UBE2E2: variants seen among roughly 807,000 people sequenced by gnomAD.
UBE2E2 encodes the protein ubiquitin-conjugating enzyme E2 E2.
In UBE2E2, 6 loss-of-function variants were observed where a neutral mutation model predicts 24.7. The observed-to-expected ratio is 0.24, with a 90% CI of 0.13 to 0.48. The LOEUF (loss-of-function observed/expected upper bound fraction) is 0.48, where lower values mean the gene tolerates loss of function less well. Among genes scored for constraint, UBE2E2 ranks in the 20% least tolerant of loss-of-function variants. The pLI is 0.99. For synonymous variants in UBE2E2, 104 were observed against 83.6 expected, an observed-to-expected ratio of 1.24 and a Z score of -1.33; for missense variants, 169 against 245.0, an observed-to-expected ratio of 0.69 and a Z score of 2.07.
intron 3 of UBE2E2, among the ~76,000 whole-genome samples, chr3:23,440,054 G>A (rs912806483): frequency 4.0e-5 from 6 of 151,402 alleles, no homozygotes; most frequent in African/African-American, 1.5e-4. Flanking sequence ...GGTGGATCAC[G>A]AACGAGGTCA....
At chr3:23,585,195 G>A in intron 5 of UBE2E2, among the ~76,000 whole-genome samples, 1 of 151,478 alleles carries the variant, frequency 6.6e-6, no homozygotes, top group South Asian at 2.1e-4. Context: ...GGCAACATCT[G>A]CCGTCTCTAC....
At chr3:23,334,765 T>C (rs1405238070) in intron 3 of UBE2E2, among the ~76,000 whole-genome samples, 1 of 152,208 alleles carries the variant, frequency 6.6e-6, no homozygotes, top group Non-Finnish European at 1.5e-5. Context: ...GACCTTCTAA[T>C]GTATTTTTCT....
In UBE2E2 at chr3:23,331,009, A is replaced by G. The variant is rs138252562; in HGVS notation, c.227+113697A>G. 5.7e-4 allele frequency among the ~76,000 whole-genome samples: 87 copies of G among 152,314 alleles called. 3 individuals carry two copies. The East Asian group carries it at 0.015, about 27-fold the overall frequency. Reference sequence around the variant, plus strand: ...TTCTTGCTTTTTTCTTTTTTAAAAAAATTAATGTTTGCATGGAATATCTTT... The same window carrying G: ...TTCTTGCTTTTTTCTTTTTTAAAAAGATTAATGTTTGCATGGAATATCTTT... On this transcript the variant is annotated intron_variant, in intron 3 of 5. Transcript: ENST00000396703.
intron 3 of UBE2E2, among the ~76,000 whole-genome samples, chr3:23,468,902 A>G (rs186185971): frequency 5.9e-5 from 9 of 152,326 alleles, no homozygotes; most frequent in Admixed American, 3.3e-4. Context: ...TATTGTGGGC[A>G]TATACTAAAT....
intron 3 of UBE2E2, among the ~76,000 whole-genome samples, chr3:23,281,989 A>C (rs1030202204): frequency 1.3e-5 from 2 of 152,204 alleles, no homozygotes; most frequent in Admixed American, 1.3e-4. Flanking sequence ...ATCCTAAAAG[A>C]TTGGAGGATT....
intron 5 of UBE2E2, among the ~76,000 whole-genome samples, chr3:23,559,535 G>A (rs944037412): frequency 6.6e-6 from 1 of 152,158 alleles, no homozygotes; most frequent in Non-Finnish European, 1.5e-5. Context: ...CTTGTCTCCA[G>A]AAATAAAAGA....
At chr3:23,471,924 G>A (rs976034052) in intron 3 of UBE2E2, among the ~76,000 whole-genome samples, 10 of 145,138 alleles carry the variant, frequency 6.9e-5, no homozygotes, top group African/African-American at 2.6e-4. Flanking sequence ...CCCTTTCACA[G>A]TACAGGAAAA....
At chr3:23,502,720 T>TA (rs1699750493) in intron 4 of UBE2E2, among the ~76,000 whole-genome samples, 1 of 152,210 alleles carries the variant, frequency 6.6e-6, no homozygotes, top group Non-Finnish European at 1.5e-5. Flanking sequence ...TAATGTTAAT[T>TA]AAACTTAGTA....
chr3:23,243,970 A>G (rs1479288719), intron 3 of UBE2E2, among the ~76,000 whole-genome samples: 1 of 152,052 alleles, frequency 6.6e-6, no homozygotes, highest in African/African-American at 2.4e-5. Context: ...ACTCCATATC[A>G]GTGGCACAGC....
intron 3 of UBE2E2, among the ~76,000 whole-genome samples, chr3:23,269,564 G>C (rs1240794828): frequency 1.3e-5 from 2 of 152,174 alleles, no homozygotes; most frequent in Admixed American, 6.5e-5. Flanking sequence ...GTGGGAGTTG[G>C]GGTAGGAGAA....
At chr3:23,230,865 G>A (rs1025805373) in intron 3 of UBE2E2, among the ~76,000 whole-genome samples, 1 of 151,680 alleles carries the variant, frequency 6.6e-6, no homozygotes, top group Admixed American at 6.6e-5. Flanking sequence ...GTGATGAACT[G>A]TTTTCAGAGC....
intron 3 of UBE2E2, among the ~76,000 whole-genome samples, chr3:23,345,074 T>A (rs1695511557): frequency 6.6e-6 from 1 of 152,210 alleles, no homozygotes; most frequent in Non-Finnish European, 1.5e-5. Context: ...TAGGTGTCAG[T>A]ACAGCTGCAC....
intron 5 of UBE2E2, among the ~76,000 whole-genome samples, chr3:23,562,075 A>G (rs540202357): frequency 9.6e-4 from 146 of 152,124 alleles, no homozygotes; most frequent in African/African-American, 3.1e-3. Context: ...TCTCCTGCCT[A>G]ATTGCCCTGG....
intron 3 of UBE2E2, among the ~76,000 whole-genome samples, chr3:23,293,408 A>G (rs1698824090): frequency 6.6e-6 from 1 of 152,258 alleles, no homozygotes; most frequent in Non-Finnish European, 1.5e-5. Flanking sequence ...TTTGTCTAAC[A>G]CTATATCTCA....
At position 23,568,734 on chromosome 3, in the gene UBE2E2, CAT is replaced by C. The variant is rs147246103; in HGVS notation, c.509-20985_509-20984del. Among the ~76,000 whole-genome samples, 977 of 131,426 alleles carry C rather than the reference CAT, an allele frequency of 7.4e-3. 19 individuals carry two copies. The highest frequency in any genetic ancestry group is 0.022 in the African/African-American group (742 of 33,834). The allele number at this position is 131,426 out of a possible 152,430, so 86.2% of individuals were successfully genotyped here. A position where few individuals can be genotyped will look rare whatever the true frequency, so the allele number is the denominator to read the frequency against. The stretch of plus-strand genomic sequence containing the variant: ...ATGTATATACACATATATATGTATA[CAT>C]ATATATATATATATGTATAACACTT... On this transcript the variant is annotated intron_variant, in intron 5 of 5. Transcript: ENST00000396703.
Position 23,400,097 on chromosome 3 carries a change from TA to T in UBE2E2, c.228-99503del, listed in dbSNP as rs1044391221. On this transcript the variant is annotated intron_variant, in intron 3 of 5. Coordinates refer to ENST00000396703, the MANE Select transcript of UBE2E2 (RefSeq NM_152653.4). ...GAAATATTACCGTCATATACAAGTC[TA>T]AAAAAAATTGCTGCAGATAAAGTCT... Among the ~76,000 whole-genome samples the T allele has an allele frequency of 1.4e-4, 22 of 152,096 alleles. No individual in the cohort carries two copies. The South Asian group carries it at 2.9e-3, about 20-fold the overall frequency.
chr3:23,536,813 A>T (rs1373469549), intron 5 of UBE2E2, among the ~76,000 whole-genome samples: 1 of 152,198 alleles, frequency 6.6e-6, no homozygotes, highest in African/African-American at 2.4e-5. Flanking sequence ...TGCTCATTAT[A>T]CTTTTCTATG....
intron 3 of UBE2E2, chr3:23,323,412 G>C (rs1575560734): frequency 3.7e-6 from 1 of 268,438 alleles, no homozygotes; most frequent in Admixed American, 5.5e-5. Flanking sequence ...GACCAATTTG[G>C]GTCATTTGGC....
At chr3:23,345,724 T>G (rs1259940640) in intron 3 of UBE2E2, among the ~76,000 whole-genome samples, 1 of 152,226 alleles carries the variant, frequency 6.6e-6, no homozygotes, top group Admixed American at 6.5e-5. Context: ...ATTTTTTTAA[T>G]GTCATGTTAA....
Sources: allele counts gnomAD v4.1 joint callset (sites outside exome capture counted in the v4.1 genomes callset), GRCh38; gene constraint gnomAD v4.1.1; transcripts MANE v1.5; gene names NCBI Gene and HGNC (gene_info 2026-07-23, HGNC 2026-07-21).